CFAP44: variants seen among roughly 807,000 people sequenced by gnomAD.
The protein encoded by CFAP44 is cilia and flagella associated protein 44.
A neutral mutation model predicts 216.2 loss-of-function variants in CFAP44; 134 were observed. That is an observed-to-expected ratio of 0.62 (90% CI 0.54 to 0.72). The LOEUF is 0.72. Ranked by LOEUF, CFAP44 falls within the 30% of genes least tolerant of loss-of-function variation. The pLI, the probability that CFAP44 is intolerant of heterozygous loss-of-function variation, is 0.00. For missense variants in CFAP44, 2,035 were observed against 2,182.1 expected (o/e 0.93, Z 1.34); for synonymous variants, 700 against 727.6 (o/e 0.96, Z 0.61).
chr3:113,419,989 G>GT (rs36013636), intron 5 of CFAP44, 28 bp downstream of exon 5: 20 of 1,602,802 alleles, frequency 1.2e-5, no homozygotes, highest in Middle Eastern at 1.8e-4. Flanking sequence ...GTTTTTTGGG[G>GT]TTTTTTTCTA....
chr3:113,436,281 C>A (rs183224276), intron 1 of CFAP44, among the ~76,000 whole-genome samples: 2 of 151,900 alleles, frequency 1.3e-5, no homozygotes, highest in East Asian at 3.9e-4. Flanking sequence ...TCAGTTATTA[C>A]AGAGTTTGGT....
chr3:113,314,931 C>T (rs537950881), intron 28 of CFAP44, among the ~76,000 whole-genome samples: 36 of 151,680 alleles, frequency 2.4e-4, no homozygotes, highest in Middle Eastern at 6.8e-3. Context: ...AACAGTTATA[C>T]GAAGAGATGT....
intron 23 of CFAP44, among the ~76,000 whole-genome samples, chr3:113,343,059 C>CT (rs397990837): frequency 0.091 from 9,749 of 106,698 alleles, 662 homozygotes; most frequent in Middle Eastern, 0.16. Flanking sequence ...TTCTTTCTTT[C>CT]TTTTTTTTTT....
intron 18 of CFAP44, 152 bp downstream of exon 18, chr3:113,373,259 T>C: frequency 4.4e-6 from 3 of 683,172 alleles, no homozygotes; most frequent in Non-Finnish European, 6.4e-6. Context: ...TTAGCTTTGA[T>C]TTTATTTATT....
At chr3:113,388,914 A>G (rs1933721341) in intron 15 of CFAP44, among the ~76,000 whole-genome samples, 1 of 152,194 alleles carries the variant, frequency 6.6e-6, no homozygotes, top group Admixed American at 6.5e-5. Flanking sequence ...ATCAACCCCA[A>G]TACAACAATA....
intron 29 of CFAP44, among the ~76,000 whole-genome samples, chr3:113,307,339 C>T (rs533258203): frequency 5.7e-4 from 87 of 152,298 alleles, no homozygotes; most frequent in Non-Finnish European, 1.1e-3. Flanking sequence ...TGTCAATTGT[C>T]TGCATATTAT....
chr3:113,333,881 G>A (rs1950260448), intron 24 of CFAP44, among the ~76,000 whole-genome samples: 1 of 151,394 alleles, frequency 6.6e-6, no homozygotes, highest in Non-Finnish European at 1.5e-5. Flanking sequence ...TATTAACATT[G>A]TTATTTATTC....
intron 6 of CFAP44, among the ~76,000 whole-genome samples, chr3:113,410,624 T>G (rs1343177403): frequency 6.6e-6 from 1 of 152,198 alleles, no homozygotes; most frequent in East Asian, 1.9e-4. Flanking sequence ...GCATGTGTCT[T>G]TATAGTAGCA....
chr3:113,424,566 T>C (rs1483583920), intron 4 of CFAP44, among the ~76,000 whole-genome samples: 1 of 152,174 alleles, frequency 6.6e-6, no homozygotes, highest in Non-Finnish European at 1.5e-5. Context: ...TTCCTAGAAT[T>C]CCTCACAAGA....
intron 19 of CFAP44, among the ~76,000 whole-genome samples, chr3:113,364,545 T>G (rs1231500432): frequency 6.6e-6 from 1 of 152,176 alleles, no homozygotes; most frequent in African/African-American, 2.4e-5. Flanking sequence ...TATTTATTTT[T>G]TATTCTTTTA....
chr3:113,357,633 AAT>A (rs1950503289), intron 22 of CFAP44, among the ~76,000 whole-genome samples: 4 of 152,310 alleles, frequency 2.6e-5, no homozygotes, highest in African/African-American at 9.6e-5. Context: ...CGAGACAGTA[AAT>A]AACCAGTTTT....
intron 22 of CFAP44, among the ~76,000 whole-genome samples, chr3:113,350,295 G>A (rs1950430818): frequency 6.6e-6 from 1 of 150,800 alleles, no homozygotes; most frequent in African/African-American, 2.4e-5. Context: ...AGTCAGAGAG[G>A]AAGAAAGAAA....
At chr3:113,400,763 A>G in intron 11 of CFAP44, 119 bp from the exon 12 acceptor site, 1 of 953,256 alleles carries the variant, frequency 1.0e-6, no homozygotes, top group Non-Finnish European at 1.6e-6. Context: ...GGATAGAAAT[A>G]AGAAAAAGCC....
intron 22 of CFAP44, among the ~76,000 whole-genome samples, chr3:113,345,726 T>C (rs920436305): frequency 2.0e-5 from 3 of 152,118 alleles, no homozygotes; most frequent in African/African-American, 7.2e-5. Context: ...AATTGCCTTG[T>C]TATTTGGGGG....
chr3:113,430,311 T>C (rs913305881), intron 2 of CFAP44, among the ~76,000 whole-genome samples: 6 of 150,238 alleles, frequency 4.0e-5, no homozygotes, highest in Middle Eastern at 3.5e-3. Context: ...AATTGAGATA[T>C]AGCTAAAGCA....
At chr3:113,352,547 TG>T (rs1950454961) in intron 22 of CFAP44, among the ~76,000 whole-genome samples, 1 of 152,230 alleles carries the variant, frequency 6.6e-6, no homozygotes, top group Admixed American at 6.5e-5. Context: ...TTAAAAATTC[TG>T]CACAGTTAGA....
intron 4 of CFAP44, among the ~76,000 whole-genome samples, chr3:113,422,627 T>C (rs1042882176): frequency 6.6e-6 from 1 of 152,214 alleles, no homozygotes; most frequent in African/African-American, 2.4e-5. Flanking sequence ...TCAAGCCTCC[T>C]GGAGGAAGTT....
In CFAP44 at chr3:113,306,269, C is replaced by T. The variant is rs1372624486; in HGVS notation, c.4690G>A (p.Glu1564Lys). 6.5e-7 allele frequency: 1 copy of T among 1,536,934 alleles called. No homozygotes were observed. The highest frequency in any genetic ancestry group is 2.0e-5 in the Admixed American group (1 of 50,974). ...ATTTTCTTTTCTTCAACTAAAGCCT[C>T]CTCAATGTCCAGCCTTTTCTCTCGA... ...HLREKRLDIEEALVEEKKIVD... is the reference protein window; with the variant it reads ...HLREKRLDIEKALVEEKKIVD... The change falls in exon 30 of 35, where the codon GAG becomes AAG. Residue 1564 changes from glutamate to lysine, a missense_variant. Glu to Lys is a moderately conservative substitution (Grantham distance 56). Transcript: ENST00000393845.
At chr3:113,311,280 G>T (rs1950035370) in intron 28 of CFAP44, among the ~76,000 whole-genome samples, 1 of 152,182 alleles carries the variant, frequency 6.6e-6, no homozygotes. Flanking sequence ...ATATGGTTTG[G>T]CTCTGTGTCC....
Sources: allele counts gnomAD v4.1 joint callset (sites outside exome capture counted in the v4.1 genomes callset), GRCh38; gene constraint gnomAD v4.1.1; transcripts MANE v1.5; gene names NCBI Gene and HGNC (gene_info 2026-07-23, HGNC 2026-07-21).